ZNF564: variants seen among roughly 807,000 people sequenced by gnomAD.
The protein encoded by ZNF564 is zinc finger protein 564.
Under a neutral mutation model 10.5 loss-of-function variants are expected in ZNF564, and 5 were observed. The ratio of observed to expected loss-of-function variants is 0.48; its 90% CI spans 0.25 to 1.00. The LOEUF is 1.00. ZNF564 is among the 50% of genes least tolerant of loss of function. The pLI, the probability that ZNF564 is intolerant of heterozygous loss-of-function variation, is 0.16. For synonymous variants in ZNF564, 242 were observed against 218.1 expected (o/e 1.11, Z -0.97); for missense variants, 603 against 669.7 (o/e 0.90, Z 1.10).
chr19:12,534,236 T>A (rs968667356), intron 1 of ZNF564, among the ~76,000 whole-genome samples: 1 of 152,016 alleles, frequency 6.6e-6, no homozygotes, highest in Non-Finnish European at 1.5e-5. Flanking sequence ...AAAAAGTATA[T>A]CGATTTAGAA....
chr19:12,529,341 C>G (rs1568261976), intron 1 of ZNF564, among the ~76,000 whole-genome samples: 2 of 152,016 alleles, frequency 1.3e-5, no homozygotes, highest in African/African-American at 4.8e-5. Context: ...CCTGGTGGCT[C>G]ACACCTGTAA....
chr19:12,526,536 T>C lies in ZNF564; in HGVS notation c.1572A>G (p.Glu524=). 6.2e-7 allele frequency: 1 copy of C among 1,614,004 alleles called. No homozygotes were observed. The highest frequency in any genetic ancestry group is 1.7e-5 in the Admixed American group (1 of 59,988). ...AAGGTTTATCTCCATTATGAGCTCTTTCATGTCTTTGAAAGGAACTGGAAT... is the reference window on the plus strand; with the variant it reads ...AAGGTTTATCTCCATTATGAGCTCTCTCATGTCTTTGAAAGGAACTGGAAT... ...FSYSSSFQRH[E]RAHNGDKPYV... The change falls in exon 4 of 4, where the codon GAA becomes GAG. Residue 524 remains glutamate, a synonymous_variant. Coordinates refer to ENST00000339282, the MANE Select transcript of ZNF564 (RefSeq NM_144976.4).
rs1179054910 is a variant in ZNF564 at position 12,528,675 on chromosome 19, C to T, written c.25G>A (p.Val9Met). 37 of 1,612,556 alleles carry T rather than the reference C, an allele frequency of 2.3e-5. No homozygotes were observed. Among genetic ancestry groups the T allele is most frequent in the Non-Finnish European group, 3.0e-5 (35 of 1,179,700 alleles). Reference sequence around the variant, plus strand: ...TCCTCAAGTGTGAAGTTCACAGCCACATCCTCAGAGGCCACTGAGTCCTAA... The same window carrying T: ...TCCTCAAGTGTGAAGTTCACAGCCATATCCTCAGAGGCCACTGAGTCCTAA... MDSVASEDVAVNFTLEEWA... is the reference protein window; with the variant it reads MDSVASEDMAVNFTLEEWA... The change falls in exon 2 of 4, where the codon GTG becomes ATG. Residue 9 changes from valine (V) to methionine (M), a missense_variant. Coordinates refer to ENST00000339282, the MANE Select transcript of ZNF564 (RefSeq NM_144976.4).
intron 1 of ZNF564, among the ~76,000 whole-genome samples, chr19:12,530,955 T>A (rs2021788096): frequency 6.6e-6 from 1 of 152,006 alleles, no homozygotes; most frequent in Non-Finnish European, 1.5e-5. Context: ...TTTGTAGAGA[T>A]GGGGTCTTAC....
chr19:12,538,423 A>G (rs2021960838), intron 1 of ZNF564, among the ~76,000 whole-genome samples: 1 of 151,996 alleles, frequency 6.6e-6, no homozygotes, highest in South Asian at 2.1e-4. Context: ...CAGGAGTTAA[A>G]CACTAGCCTG....
At chr19:12,549,188 A>G (rs17878898) in intron 1 of ZNF564, among the ~76,000 whole-genome samples, 66,419 of 152,122 alleles carry the variant, frequency 0.44, 16,282 homozygotes, top group Non-Finnish European at 0.57. Context: ...CTCCCTTTGC[A>G]AACACTTTAT....
At chr19:12,546,582 T>A (rs1344137801) in intron 1 of ZNF564, among the ~76,000 whole-genome samples, 3 of 151,538 alleles carry the variant, frequency 2.0e-5, no homozygotes, top group African/African-American at 7.3e-5. Flanking sequence ...AAAAAAAAAA[T>A]TAGCCAGGAA....
chr19:12,551,109 G>A lies in ZNF564; in HGVS notation c.3+221C>T, dbSNP rs183777268. Among the ~76,000 whole-genome samples the A allele has an allele frequency of 3.4e-3, 524 of 152,376 alleles. 1 individual carries two copies. Among genetic ancestry groups the A allele is most frequent in the Non-Finnish European group, 4.8e-3 (329 of 68,038 alleles). On this transcript the variant is annotated intron_variant, in intron 1 of 3. Coordinates refer to ENST00000339282, the MANE Select transcript of ZNF564 (RefSeq NM_144976.4). ...TGCCCAGACAGGGCTCCGAGGCCGA[G>A]GCCGCAGTCGCCGCGCAGGGACGGG... is the stretch of plus-strand genomic sequence containing the variant.
At chr19:12,544,301 C>T (rs146404602) in intron 1 of ZNF564, among the ~76,000 whole-genome samples, 96 of 152,276 alleles carry the variant, frequency 6.3e-4, no homozygotes, top group Non-Finnish European at 1.1e-3. Flanking sequence ...GGGACAGAAA[C>T]GACGGACAGT....
intron 1 of ZNF564, among the ~76,000 whole-genome samples, chr19:12,546,067 A>C (rs1272505297): frequency 6.6e-6 from 1 of 152,190 alleles, no homozygotes; most frequent in African/African-American, 2.4e-5. Flanking sequence ...GGGAATTCCA[A>C]GGGTTTTAGG....
intron 1 of ZNF564, among the ~76,000 whole-genome samples, chr19:12,537,559 A>T: frequency 6.6e-6 from 1 of 151,996 alleles, no homozygotes; most frequent in Admixed American, 6.6e-5. Context: ...ACCAAAAAGG[A>T]GAAACCCTGT....
chr19:12,538,476 A>C (rs2021962289), intron 1 of ZNF564, among the ~76,000 whole-genome samples: 1 of 152,052 alleles, frequency 6.6e-6, no homozygotes, highest in Non-Finnish European at 1.5e-5. Flanking sequence ...ATACAAAAAA[A>C]TTAGCCAGGC....
At chr19:12,546,687 C>T (rs1375680794) in intron 1 of ZNF564, among the ~76,000 whole-genome samples, 6 of 151,966 alleles carry the variant, frequency 3.9e-5, no homozygotes, top group Non-Finnish European at 7.4e-5. Context: ...GCCAAGATCG[C>T]GCCACTGCAC....
At chr19:12,550,265 C>G (rs2022227672) in intron 1 of ZNF564, 1 of 150,910 alleles carries the variant, frequency 6.6e-6, no homozygotes, top group East Asian at 2.0e-4. Flanking sequence ...GCACTCCAGC[C>G]TGGGCAATAA....
intron 1 of ZNF564, among the ~76,000 whole-genome samples, chr19:12,543,347 G>A (rs1253048781): frequency 6.7e-6 from 1 of 148,414 alleles, no homozygotes; most frequent in Admixed American, 6.7e-5. Context: ...GGAAGGGGAA[G>A]GGGAAGGGGA....
At chr19:12,535,960 C>T (rs1052196147) in intron 1 of ZNF564, among the ~76,000 whole-genome samples, 4 of 148,552 alleles carry the variant, frequency 2.7e-5, no homozygotes, top group Admixed American at 1.4e-4. Context: ...TTGCACTGAG[C>T]TGAGACTGTG....
chr19:12,531,056 G>A (rs2021789415), intron 1 of ZNF564, among the ~76,000 whole-genome samples: 1 of 152,090 alleles, frequency 6.6e-6, no homozygotes, highest in Non-Finnish European at 1.5e-5. Flanking sequence ...CTGGAAAGAT[G>A]GGTTCTGAGA....
intron 1 of ZNF564, among the ~76,000 whole-genome samples, chr19:12,543,790 C>T (rs915304894): frequency 7.2e-5 from 11 of 152,086 alleles, no homozygotes; most frequent in South Asian, 2.1e-4. Context: ...GTGTCCCTCC[C>T]AAAATTCATA....
intron 1 of ZNF564, among the ~76,000 whole-genome samples, chr19:12,539,488 T>G (rs1355492760): frequency 7.3e-6 from 1 of 137,430 alleles, no homozygotes; most frequent in South Asian, 2.3e-4. Flanking sequence ...TGAAACCCCA[T>G]CTCTAATAAA....
Sources: allele counts gnomAD v4.1 joint callset (sites outside exome capture counted in the v4.1 genomes callset), GRCh38; gene constraint gnomAD v4.1.1; transcripts MANE v1.5; gene names NCBI Gene and HGNC (gene_info 2026-07-23, HGNC 2026-07-21).